Variants in ARHGAP42 observed in about 807,000 individuals in gnomAD.
ARHGAP42 encodes the protein Rho GTPase activating protein 42.
A neutral mutation model predicts 125.0 loss-of-function variants in ARHGAP42; 63 were observed. The ratio of observed to expected loss-of-function variants is 0.50; its 90% confidence interval spans 0.41 to 0.62. The LOEUF (loss-of-function observed/expected upper bound fraction) is 0.62, where lower values mean the gene tolerates loss of function less well. Among genes scored for constraint, ARHGAP42 ranks in the 20% least tolerant of loss-of-function variants. ARHGAP42 has a pLI of 0.00. For synonymous variants in ARHGAP42, 339 were observed against 351.0 expected (o/e 0.97, Z 0.38); for missense variants, 766 against 1,024.2 (o/e 0.75, Z 3.44).
intron 4 of ARHGAP42, among the ~76,000 whole-genome samples, chr11:100,901,389 G>A (rs1436725783): frequency 6.6e-6 from 1 of 152,216 alleles, no homozygotes; most frequent in African/African-American, 2.4e-5. Context: ...TGAGGAGGCA[G>A]TCTGTCTGTT....
chr11:100,972,837 C>A (rs920543593), intron 17 of ARHGAP42, among the ~76,000 whole-genome samples: 2 of 152,180 alleles, frequency 1.3e-5, no homozygotes, highest in South Asian at 4.1e-4. Context: ...TGCCACCAGT[C>A]TATTCTTAAC....
chr11:100,830,997 A>G (rs920155124), intron 3 of ARHGAP42, among the ~76,000 whole-genome samples: 4 of 152,188 alleles, frequency 2.6e-5, no homozygotes, highest in African/African-American at 7.2e-5. Flanking sequence ...TTGAAAAAAA[A>G]GTAAGATAAT....
chr11:100,959,166 G>C (rs1017632637), intron 12 of ARHGAP42, among the ~76,000 whole-genome samples: 2 of 151,858 alleles, frequency 1.3e-5, no homozygotes, highest in Admixed American at 6.6e-5. Context: ...TTAAATAAAT[G>C]CTTTCTCTTT....
chr11:100,695,055 A>C (rs921254165), intron 1 of ARHGAP42, among the ~76,000 whole-genome samples: 2 of 152,144 alleles, frequency 1.3e-5, no homozygotes, highest in African/African-American at 4.8e-5. Context: ...TAATAAAAAC[A>C]CTTGCTGAGC....
At chr11:100,838,725 GAA>G (rs71914749) in intron 3 of ARHGAP42, among the ~76,000 whole-genome samples, 3 of 149,622 alleles carry the variant, frequency 2.0e-5, no homozygotes, top group South Asian at 2.1e-4. Context: ...AAAACACCAA[GAA>G]AAAAAAAATC....
chr11:100,978,684 C>A (rs540763160), intron 21 of ARHGAP42, among the ~76,000 whole-genome samples: 2 of 152,228 alleles, frequency 1.3e-5, no homozygotes, highest in East Asian at 1.9e-4. Context: ...CTGCTGGGAG[C>A]AGAGTAGAGA....
At chr11:100,970,385 A>G (rs1485445989) in intron 17 of ARHGAP42, among the ~76,000 whole-genome samples, 3 of 152,102 alleles carry the variant, frequency 2.0e-5, no homozygotes, top group Non-Finnish European at 4.4e-5. Context: ...AGCCTGGGAC[A>G]TGACCACAGT....
At chr11:100,758,375 A>G (rs185734786) in intron 1 of ARHGAP42, among the ~76,000 whole-genome samples, 1 of 152,334 alleles carries the variant, frequency 6.6e-6, no homozygotes, top group East Asian at 1.9e-4. Context: ...TTTGGAGGCA[A>G]TATATGTATT....
At position 100,974,686 on chromosome 11, in the gene ARHGAP42, T is replaced by G. The variant is rs116718277; in HGVS notation, c.1855+83T>G. On this transcript the variant is annotated intron_variant, in intron 19 of 23. Transcript: ENST00000298815. ...CACTGTATTGGTAATTAGGTAGAAA[T>G]AGAAGATGTTCTCACTGATGCTCTT... is the stretch of plus-strand genomic sequence containing the variant. 3,719 of 1,346,488 alleles carry G rather than the reference T, an allele frequency of 2.8e-3. 83 individuals are homozygous for G. In the African/African-American group the frequency reaches 0.049, roughly 18 times the overall value. The allele number at this position is 1,346,488 out of a possible 1,614,324, so 83.4% of individuals were successfully genotyped here. A position where few individuals can be genotyped will look rare whatever the true frequency, so the allele number is the denominator to read the frequency against.
intron 1 of ARHGAP42, among the ~76,000 whole-genome samples, chr11:100,764,025 C>CTTTTTT (rs772607133): frequency 3.0e-5 from 3 of 101,500 alleles, no homozygotes; most frequent in African/African-American, 3.6e-5. Context: ...TCTTCTTCTT[C>CTTTTTT]TTTTTTTTTT....
intron 1 of ARHGAP42, among the ~76,000 whole-genome samples, chr11:100,743,124 A>G (rs1862223669): frequency 6.6e-6 from 1 of 152,112 alleles, no homozygotes; most frequent in African/African-American, 2.4e-5. Context: ...AGTGTTACTT[A>G]CTTTGTTTTC....
intron 20 of ARHGAP42, 87 bp downstream of exon 20, chr11:100,976,524 T>C (rs1221580764): frequency 7.0e-6 from 10 of 1,433,642 alleles, no homozygotes; most frequent in Non-Finnish European, 8.3e-6. Flanking sequence ...AGGGATAAAG[T>C]TAATGGTGGA....
intron 1 of ARHGAP42, among the ~76,000 whole-genome samples, chr11:100,744,409 C>T (rs922163272): frequency 5.9e-5 from 9 of 152,090 alleles, no homozygotes; most frequent in African/African-American, 2.2e-4. Flanking sequence ...GTTCTGGATC[C>T]ATTGCTGGAA....
At chr11:100,921,344 A>G (rs1375689129) in intron 5 of ARHGAP42, 150 bp from the exon 6 acceptor site, 1 of 522,184 alleles carries the variant, frequency 1.9e-6, no homozygotes, top group Non-Finnish European at 3.3e-6. Flanking sequence ...CTCCTGCCCC[A>G]TACACTATAA....
intron 22 of ARHGAP42, chr11:100,986,182 A>G (rs893670472): frequency 2.7e-5 from 12 of 443,312 alleles, no homozygotes; most frequent in African/African-American, 8.1e-5. Flanking sequence ...AATACCAGAT[A>G]CTAACACCAT....
At chr11:100,971,410 A>T (rs1565300912) in intron 17 of ARHGAP42, among the ~76,000 whole-genome samples, 16 of 152,144 alleles carry the variant, frequency 1.1e-4, no homozygotes. Flanking sequence ...CTCTTTTAAT[A>T]AAAGAAAGAG....
intron 6 of ARHGAP42, among the ~76,000 whole-genome samples, chr11:100,923,316 T>C (rs1348531696): frequency 6.6e-6 from 1 of 152,198 alleles, no homozygotes; most frequent in Non-Finnish European, 1.5e-5. Context: ...TTCTGACAGT[T>C]TTTCTGCATA....
At chr11:100,944,532 G>A (rs1036388801) in intron 10 of ARHGAP42, among the ~76,000 whole-genome samples, 14 of 152,114 alleles carry the variant, frequency 9.2e-5, no homozygotes, top group African/African-American at 3.4e-4. Context: ...TGTATATGAT[G>A]ACTTTCTATA....
At chr11:100,977,805 A>T (rs1210885583) in intron 21 of ARHGAP42, among the ~76,000 whole-genome samples, 4 of 152,144 alleles carry the variant, frequency 2.6e-5, no homozygotes, top group African/African-American at 4.8e-5. Flanking sequence ...TTCTCTGACT[A>T]CAATTCTGTG....
Sources: gnomAD v4.1 joint callset for allele counts (sites outside exome capture counted in the v4.1 genomes callset) on GRCh38, gnomAD v4.1.1 for gene constraint, MANE v1.5 for transcripts, NCBI Gene and HGNC (gene_info 2026-07-23, HGNC 2026-07-21) for gene names.